The following CACNG8 variants were observed in gnomAD, a reference collection of about 807,000 sequenced individuals.
CACNG8 encodes the protein calcium voltage-gated channel auxiliary subunit gamma 8, also known as voltage-dependent calcium channel gamma-8 subunit.
Under a neutral mutation model 26.9 loss-of-function variants are expected in CACNG8, and 5 were observed. The ratio of observed to expected loss-of-function variants is 0.19; its 90% CI spans 0.10 to 0.39. The LOEUF is 0.39. CACNG8 is among the 10% of genes least tolerant of loss of function. The pLI, the probability that CACNG8 is intolerant of heterozygous loss-of-function variation, is 1.00. For missense variants in CACNG8, 473 were observed against 609.4 expected, an observed-to-expected ratio of 0.78 and a Z score of 2.36; for synonymous variants, 321 against 296.7, an observed-to-expected ratio of 1.08 and a Z score of -0.84.
Position 53,963,368 on chromosome 19 carries a change from A to C in CACNG8, c.226A>C (p.Lys76Gln). Residue 76 changes from lysine (K) to glutamine (Q), a missense_variant, in exon 1 of 4, where the codon AAG (lysine) becomes CAG (glutamine). Lys to Gln is a moderately conservative substitution (Grantham distance 53, BLOSUM62 1). Around this residue, in one of 6 missense-constraint regions of CACNG8, gnomAD observed 69 missense variants for 66.7 expected, o/e 1.03. Coordinates refer to ENST00000270458, the MANE Select transcript of CACNG8 (RefSeq NM_031895.6). ...CCGCGGGGGCGGCGGCGCCTCGGAG[A>C]AGAAGGACCCCGGCGGCCTCACGCA... 6.3e-7 allele frequency: 1 copy of C among 1,587,402 alleles called. No homozygotes were observed. The highest frequency in any genetic ancestry group is 8.5e-7 in the Non-Finnish European group (1 of 1,173,494).
At chr19:53,976,628 A>ATTCATTC (rs1568800196) in intron 1 of CACNG8, among the ~76,000 whole-genome samples, 6 of 151,558 alleles carry the variant, frequency 4.0e-5, no homozygotes, top group African/African-American at 1.5e-4. Flanking sequence ...TTCATTCATT[A>ATTCATTC]ATTCATTCAT....
chr19:53,986,012 G>C lies in CACNG8; in HGVS notation c.*3163G>C, dbSNP rs1389052031. ...AGGAAGAGCAAGATGGGGAGGGAGG[G>C]GGAGAGCAGGAGAGACCAAACTAGT... On this transcript the variant is annotated 3_prime_UTR_variant, in exon 4 of 4. Coordinates refer to ENST00000270458, the MANE Select transcript of CACNG8 (RefSeq NM_031895.6). The C allele has an allele frequency of 6.6e-6, 1 of 152,182 alleles. No individual in the cohort carries two copies. Among genetic ancestry groups the C allele is most frequent in the Non-Finnish European group, 1.5e-5 (1 of 68,140 alleles). 9.4% of individuals were successfully genotyped at this position (152,182 alleles called of 1,614,324 possible).
Position 53,982,923 on chromosome 19 carries a change from C to A in CACNG8, c.*74C>A. ...GCGCGTGCATCGAGGCTGCCGGGGTCGGGGGCGCCCCCGCTTTCCCCCGTG... is the reference window on the plus strand; with the variant it reads ...GCGCGTGCATCGAGGCTGCCGGGGTAGGGGGCGCCCCCGCTTTCCCCCGTG... On this transcript the variant is annotated 3_prime_UTR_variant, in exon 4 of 4. Coordinates refer to ENST00000270458, the MANE Select transcript of CACNG8 (RefSeq NM_031895.6). This position sits in a 1 kb window ranked among gnomAD's most constrained non-coding sequence, Gnocchi z 8.4. 1.9e-6 allele frequency: 2 copies of A among 1,050,086 alleles called. No homozygotes were observed. Among genetic ancestry groups the A allele is most frequent in the Non-Finnish European group, 1.2e-6 (1 of 842,484 alleles). 65.0% of individuals were successfully genotyped at this position (1,050,086 alleles called of 1,614,324 possible).
At chr19:53,970,285 C>T (rs576622574) in intron 1 of CACNG8, among the ~76,000 whole-genome samples, 2 of 151,382 alleles carry the variant, frequency 1.3e-5, no homozygotes, top group East Asian at 1.9e-4. Flanking sequence ...CACCGCACTA[C>T]AGCCTGGGGA....
chr19:53,971,074 G>A (rs139359809), intron 1 of CACNG8, among the ~76,000 whole-genome samples: 2,476 of 151,834 alleles, frequency 0.016, 70 homozygotes, highest in African/African-American at 0.055. Flanking sequence ...GGTGGATCAC[G>A]TGAGGTCGGG....
intron 1 of CACNG8, among the ~76,000 whole-genome samples, chr19:53,973,963 A>G (rs1461531686): frequency 1.3e-5 from 2 of 152,218 alleles, no homozygotes; most frequent in South Asian, 2.1e-4. Context: ...TCGTTCATTC[A>G]TTTTGATAAT....
Position 53,980,057 on chromosome 19 carries a change from C to CGTGTGTGT in CACNG8, c.508+72_508+79dup, listed in dbSNP as rs56223082. 5.1e-5 allele frequency: 56 copies of CGTGTGTGT among 1,104,298 alleles called. No individual in the cohort carries two copies. The Middle Eastern group carries it at 6.9e-4, about 14-fold the overall frequency. The allele number at this position is 1,104,298 out of a possible 1,614,324, so 68.4% of individuals were successfully genotyped here. On this transcript the variant is annotated intron_variant, in intron 3 of 3. Coordinates refer to ENST00000270458, the MANE Select transcript of CACNG8 (RefSeq NM_031895.6). ...CCGGGGCGGCCCACCTGGGCGCGCA[C>CGTGTGTGT]GTGTGTGTGTGTGTGTGTGTGTGTG...
intron 1 of CACNG8, among the ~76,000 whole-genome samples, chr19:53,969,428 T>A (rs1600026493): frequency 8.7e-6 from 1 of 114,842 alleles, no homozygotes; most frequent in East Asian, 2.0e-4. Context: ...TTTGTTTACT[T>A]TTTTTTTTTT....
intron 3 of CACNG8, among the ~76,000 whole-genome samples, chr19:53,980,270 G>A (rs1418707778): frequency 6.6e-6 from 1 of 152,054 alleles, no homozygotes; most frequent in African/African-American, 2.4e-5. Flanking sequence ...GGTGTCTGGC[G>A]CGTAAGACGC....
At chr19:53,980,065 T>C (rs542268873) in intron 3 of CACNG8, 58 bp downstream of exon 3, 26 of 1,254,938 alleles carry the variant, frequency 2.1e-5, no homozygotes, top group East Asian at 2.8e-5. Flanking sequence ...CACGTGTGTG[T>C]GTGTGTGTGT....
At chr19:53,977,364 T>A (rs2069335760) in intron 1 of CACNG8, among the ~76,000 whole-genome samples, 1 of 152,204 alleles carries the variant, frequency 6.6e-6, no homozygotes, top group Non-Finnish European at 1.5e-5. Flanking sequence ...ATACTTATAT[T>A]TTTAATTTTT....
chr19:53,976,735 C>T (rs1315449867), intron 1 of CACNG8, among the ~76,000 whole-genome samples: 5 of 151,706 alleles, frequency 3.3e-5, no homozygotes, highest in Admixed American at 1.3e-4. Flanking sequence ...TGTAATGGTG[C>T]AGCCTTGGCT....
At chr19:53,974,862 G>C (rs553444388) in intron 1 of CACNG8, among the ~76,000 whole-genome samples, 4 of 151,302 alleles carry the variant, frequency 2.6e-5, no homozygotes, top group Non-Finnish European at 4.4e-5. Flanking sequence ...GGATGGTCTC[G>C]ATCTCTTGAC....
At chr19:53,967,762 G>A (rs2069279610) in intron 1 of CACNG8, among the ~76,000 whole-genome samples, 1 of 152,174 alleles carries the variant, frequency 6.6e-6, no homozygotes, top group Admixed American at 6.5e-5. Context: ...TTGAACCCAG[G>A]AGGTGGAGGT....
chr19:53,982,476 C>G lies in CACNG8; in HGVS notation c.905C>G (p.Thr302Arg). 2 of 1,513,220 alleles carry G rather than the reference C, an allele frequency of 1.3e-6. No homozygotes were observed. The highest frequency in any genetic ancestry group is 8.8e-7 in the Non-Finnish European group (1 of 1,138,204). The allele number at this position is 1,513,220 out of a possible 1,614,324, so 93.7% of individuals were successfully genotyped here. A position where few individuals can be genotyped will look rare whatever the true frequency, so the allele number is the denominator to read the frequency against. The change falls in exon 4 of 4, where the codon ACG becomes AGG. Residue 302 changes from threonine to arginine, a missense_variant. Thr to Arg is a moderately conservative substitution (Grantham distance 71). Coordinates refer to ENST00000270458, the MANE Select transcript of CACNG8 (RefSeq NM_031895.6). The surrounding 1 kb of genome is among the most constrained non-coding windows in gnomAD (Gnocchi z 8.4). ...CCCGGGGGCCCGGGCTTTGCCTCCA[C>G]GGACATCTCCATGTACACGCTCAGC...
chr19:53,973,494 G>T (rs952841921), intron 1 of CACNG8, among the ~76,000 whole-genome samples: 2 of 152,094 alleles, frequency 1.3e-5, no homozygotes, highest in African/African-American at 4.8e-5. Flanking sequence ...ATGCACTCCA[G>T]CCTGGGAAAC....
At chr19:53,979,780 C>T in intron 2 of CACNG8, 87 bp from the exon 3 acceptor site, 2 of 1,410,876 alleles carry the variant, frequency 1.4e-6, no homozygotes, top group Non-Finnish European at 1.9e-6. Context: ...GGAGGCGCCG[C>T]GAGATGGGGG....
At chr19:53,969,155 C>G (rs866084123) in intron 1 of CACNG8, among the ~76,000 whole-genome samples, 1 of 152,022 alleles carries the variant, frequency 6.6e-6, no homozygotes, top group Non-Finnish European at 1.5e-5. Context: ...AGGTACCCAC[C>G]ACCACACCCG....
At chr19:53,979,257 G>A (rs190982164) in intron 2 of CACNG8, among the ~76,000 whole-genome samples, 1 of 148,592 alleles carries the variant, frequency 6.7e-6, no homozygotes, top group African/African-American at 2.5e-5. Flanking sequence ...GAGGAGAGAG[G>A]GGAGACAGAG....
Sources: gnomAD v4.1 joint callset for allele counts (sites outside exome capture counted in the v4.1 genomes callset) on GRCh38, gnomAD v4.1.1 for gene constraint, gnomAD v4.1.1 regional missense constraint, Gnocchi (gnomAD v3.1) non-coding constraint, MANE v1.5 for transcripts, NCBI Gene and HGNC (gene_info 2026-07-23, HGNC 2026-07-21) for gene names.